KCNQ5: variants seen among roughly 807,000 people sequenced by gnomAD.
The protein encoded by KCNQ5 is potassium voltage-gated channel subfamily Q member 5.
Under a neutral mutation model 98.2 loss-of-function variants are expected in KCNQ5, and 30 were observed. That is an observed-to-expected ratio of 0.31 (90% CI 0.23 to 0.41). The LOEUF (loss-of-function observed/expected upper bound fraction) is 0.41. Ranked by LOEUF, KCNQ5 falls within the 10% of genes least tolerant of loss-of-function variation. The pLI is 1.00. For missense variants in KCNQ5, 835 were observed against 1,182.5 expected (o/e 0.71, Z 4.31); for synonymous variants, 458 against 449.4 (o/e 1.02, Z -0.24).
At chr6:72,787,927 G>C (rs1305447052) in intron 1 of KCNQ5, among the ~76,000 whole-genome samples, 4 of 152,182 alleles carry the variant, frequency 2.6e-5, no homozygotes, top group Non-Finnish European at 1.5e-5. Flanking sequence ...TGCTTTAATA[G>C]GTTTCTTAAG....
intron 3 of KCNQ5, chr6:73,042,297 A>G (rs950984800): frequency 1.1e-5 from 6 of 522,084 alleles, no homozygotes; most frequent in African/African-American, 3.8e-5. Context: ...GCAAAGAGAG[A>G]CGGAGTTAGT....
At chr6:72,970,768 G>A (rs1254608775) in intron 1 of KCNQ5, among the ~76,000 whole-genome samples, 2 of 152,132 alleles carry the variant, frequency 1.3e-5, no homozygotes, top group African/African-American at 2.4e-5. Flanking sequence ...CTATTTAACA[G>A]ATGGTGCTGG....
chr6:72,986,893 C>T, intron 1 of KCNQ5: 1 of 864,968 alleles, frequency 1.2e-6, no homozygotes, highest in South Asian at 1.4e-5. Context: ...ATGCTGCGGA[C>T]ACTTGCTCAG....
chr6:73,069,277 G>T (rs1191536268), intron 3 of KCNQ5, among the ~76,000 whole-genome samples: 6 of 151,672 alleles, frequency 4.0e-5, no homozygotes, highest in Non-Finnish European at 1.5e-5. Flanking sequence ...TTCCAGGTTT[G>T]TTTTTTGCAT....
At chr6:72,670,015 C>T (rs777999732) in intron 1 of KCNQ5, among the ~76,000 whole-genome samples, 3 of 150,164 alleles carry the variant, frequency 2.0e-5, no homozygotes, top group Non-Finnish European at 2.9e-5. Context: ...TCTCTTTCCT[C>T]TTGAATTTGA....
At chr6:73,132,235 C>A (rs761164147) in intron 9 of KCNQ5, among the ~76,000 whole-genome samples, 2 of 152,040 alleles carry the variant, frequency 1.3e-5, no homozygotes, top group Non-Finnish European at 2.9e-5. Flanking sequence ...GCTTTCATAC[C>A]CCACAAAGGC....
intron 1 of KCNQ5, among the ~76,000 whole-genome samples, chr6:72,845,687 G>A (rs1776990417): frequency 6.6e-6 from 1 of 152,100 alleles, no homozygotes. Context: ...ATCTGTGAAG[G>A]TGTTTAGAGG....
At chr6:72,892,278 C>T (rs1779085415) in intron 1 of KCNQ5, among the ~76,000 whole-genome samples, 1 of 152,182 alleles carries the variant, frequency 6.6e-6, no homozygotes, top group Non-Finnish European at 1.5e-5. Flanking sequence ...ACTGAAAGTT[C>T]CTGTTCTTAG....
At chr6:72,970,566 C>T (rs1402400187) in intron 1 of KCNQ5, among the ~76,000 whole-genome samples, 3 of 152,132 alleles carry the variant, frequency 2.0e-5, no homozygotes, top group Non-Finnish European at 4.4e-5. Context: ...AAGAACAAAG[C>T]TGGAGGCATC....
At chr6:73,153,691 A>G (rs888311218) in intron 10 of KCNQ5, among the ~76,000 whole-genome samples, 1 of 148,746 alleles carries the variant, frequency 6.7e-6, no homozygotes, top group Non-Finnish European at 1.5e-5. Flanking sequence ...ATCTCTTTAG[A>G]AAAAAAAAAG....
intron 1 of KCNQ5, among the ~76,000 whole-genome samples, chr6:72,632,921 G>A (rs1048810041): frequency 1.3e-5 from 2 of 152,024 alleles, no homozygotes; most frequent in Admixed American, 6.5e-5. Flanking sequence ...TTGGTATGAT[G>A]ATCTATTTCC....
chr6:73,136,596 T>A (rs955278607), intron 10 of KCNQ5: 2 of 152,214 alleles, frequency 1.3e-5, no homozygotes, highest in Non-Finnish European at 2.9e-5. Flanking sequence ...AGAGGACCAA[T>A]TGCTGTTCTG....
intron 11 of KCNQ5, among the ~76,000 whole-genome samples, chr6:73,175,806 A>G (rs1226430984): frequency 6.6e-6 from 1 of 152,218 alleles, no homozygotes; most frequent in Non-Finnish European, 1.5e-5. Flanking sequence ...GCAGAGCAGC[A>G]TATTACTACA....
chr6:73,109,071 A>G (rs1021001105), intron 6 of KCNQ5, among the ~76,000 whole-genome samples: 35 of 152,234 alleles, frequency 2.3e-4, no homozygotes, highest in African/African-American at 8.2e-4. Flanking sequence ...CAAGCTGTGT[A>G]CTAAGAGAGA....
intron 1 of KCNQ5, among the ~76,000 whole-genome samples, chr6:72,854,641 T>C (rs1777441283): frequency 6.6e-6 from 1 of 151,372 alleles, no homozygotes; most frequent in Admixed American, 6.6e-5. Flanking sequence ...TCTATTCATC[T>C]TTTTTATAAT....
intron 2 of KCNQ5, among the ~76,000 whole-genome samples, chr6:73,032,246 C>T (rs931749260): frequency 6.6e-6 from 1 of 152,210 alleles, no homozygotes; most frequent in African/African-American, 2.4e-5. Flanking sequence ...CGGCTCACTG[C>T]AACCTCCACC....
At chr6:73,046,499 T>C (rs1354667931) in intron 3 of KCNQ5, among the ~76,000 whole-genome samples, 6 of 152,004 alleles carry the variant, frequency 3.9e-5, no homozygotes, top group Admixed American at 3.9e-4. Flanking sequence ...TGAGAACTAC[T>C]ATATATTAGG....
intron 1 of KCNQ5, among the ~76,000 whole-genome samples, chr6:72,914,939 C>T (rs1780073616): frequency 6.6e-6 from 1 of 152,208 alleles, no homozygotes; most frequent in Admixed American, 6.5e-5. Flanking sequence ...CAAATAAACA[C>T]TTCTGGCTGT....
chr6:73,078,454 C>T (rs1169553379), intron 5 of KCNQ5, among the ~76,000 whole-genome samples: 3 of 152,050 alleles, frequency 2.0e-5, no homozygotes, highest in Admixed American at 6.6e-5. Context: ...AATCATGATT[C>T]TTACATAGAA....
Sources: gnomAD v4.1 joint callset for allele counts (sites outside exome capture counted in the v4.1 genomes callset) on GRCh38, gnomAD v4.1.1 for gene constraint, MANE v1.5 for transcripts, NCBI Gene and HGNC (gene_info 2026-07-23, HGNC 2026-07-21) for gene names.